Variants in ZC3H12B observed in about 807,000 individuals in gnomAD.
ZC3H12B encodes probable ribonuclease ZC3H12B.
In ZC3H12B, 7 loss-of-function variants were observed where a neutral mutation model predicts 43.9. That is an observed-to-expected ratio of 0.16 (90% CI 0.09 to 0.30). ZC3H12B has a LOEUF of 0.30. Among genes scored for constraint, ZC3H12B ranks in the 10% least tolerant of loss-of-function variants. ZC3H12B has a pLI of 1.00. For missense variants in ZC3H12B, 475 were observed against 670.2 expected (o/e 0.71, Z 3.22); for synonymous variants, 222 against 241.7 (o/e 0.92, Z 0.76).
the ZC3H12B span, among the ~76,000 whole-genome samples, chrX:65,122,033 C>A: frequency 1.8e-5 from 2 of 110,976 alleles, no homozygotes; most frequent in East Asian, 2.9e-4. Context: ...AATTTCTGTT[C>A]TTTTGCATTT....
At chrX:65,335,875 G>T in the ZC3H12B span, among the ~76,000 whole-genome samples, 2 of 112,027 alleles carry the variant, frequency 1.8e-5, no homozygotes, top group African/African-American at 6.5e-5. Context: ...TCATTTCAAG[G>T]TCAAGCTCCC....
At chrX:65,181,751 A>G in the ZC3H12B span, among the ~76,000 whole-genome samples, 1 of 112,089 alleles carries the variant, frequency 8.9e-6, no homozygotes, top group Non-Finnish European at 1.9e-5. Flanking sequence ...GTTAGGAAAC[A>G]ACAGATGCTG....
the ZC3H12B span, among the ~76,000 whole-genome samples, chrX:65,226,930 A>C: frequency 2.7e-5 from 3 of 111,047 alleles, no homozygotes; most frequent in African/African-American, 9.8e-5. Flanking sequence ...CACAATAATA[A>C]TGGGAGACTT....
At chrX:65,149,794 TAATAATAATAATAA>T in the ZC3H12B span, among the ~76,000 whole-genome samples, 1 of 103,377 alleles carries the variant, frequency 9.7e-6, no homozygotes, top group African/African-American at 3.5e-5. Flanking sequence ...ATAATAATAA[TAATAATAATAATAA>T]TAATAATAAA....
At chrX:65,204,394 G>A in the ZC3H12B span, among the ~76,000 whole-genome samples, 1 of 111,567 alleles carries the variant, frequency 9.0e-6, no homozygotes, top group Non-Finnish European at 1.9e-5. Flanking sequence ...GATTTAACTA[G>A]AATTATGTGC....
At chrX:65,357,104 G>A in the ZC3H12B span, 1 of 517,637 alleles carries the variant, frequency 1.9e-6, no homozygotes, top group Non-Finnish European at 3.6e-6. Context: ...AAGCTCCAAA[G>A]GCTTCCTGAG....
chrX:65,202,176 T>A, the ZC3H12B span, among the ~76,000 whole-genome samples: 1 of 98,808 alleles, frequency 1.0e-5, no homozygotes, highest in Non-Finnish European at 2.0e-5. Context: ...ATATATATTA[T>A]ATGTAATATA....
chrX:65,136,233 G>A, the ZC3H12B span, among the ~76,000 whole-genome samples: 2 of 111,586 alleles, frequency 1.8e-5, no homozygotes, highest in African/African-American at 6.5e-5. Context: ...TCTAGGTGGA[G>A]GTAATAGTCC....
the ZC3H12B span, chrX:65,185,982 TA>T: frequency 1.8e-5 from 2 of 111,461 alleles, no homozygotes; most frequent in South Asian, 7.5e-4. Flanking sequence ...CTAAACAAAT[TA>T]AAGTTTAACA....
chrX:65,084,409 GA>G, the ZC3H12B span, among the ~76,000 whole-genome samples: 1 of 111,356 alleles, frequency 9.0e-6, no homozygotes, highest in Admixed American at 9.5e-5. Flanking sequence ...CAACTCTACA[GA>G]AAAAAATATA....
intron 2 of ZC3H12B, among the ~76,000 whole-genome samples, chrX:65,381,150 A>AT (rs985918868): frequency 9.0e-6 from 1 of 111,074 alleles, no homozygotes; most frequent in African/African-American, 3.3e-5. Context: ...CAGAATATAC[A>AT]TTTTTTTCAG....
At chrX:65,225,472 C>T in the ZC3H12B span, among the ~76,000 whole-genome samples, 2 of 112,451 alleles carry the variant, frequency 1.8e-5, no homozygotes, top group Non-Finnish European at 3.8e-5. Context: ...GAGCGTCTCT[C>T]CTCCTCCAAA....
rs779448473 is a variant in ZC3H12B at position 65,392,836 on chromosome X, C to T, written n.296-5757C>T. 2.5e-3 allele frequency among the ~76,000 whole-genome samples: 279 copies of T among 112,828 alleles called. 2 individuals are homozygous for T. The highest frequency in any genetic ancestry group is 7.9e-3 in the African/African-American group (245 of 31,145). ...AAATGTGGGGAAAAGAAAGAGAGAT[C>T]GGATTGTTACTGTGTCTGTGTAGAA... On this transcript the variant is annotated intron_variant and non_coding_transcript_variant, in intron 2 of 5. Transcript: ENST00000617377.
chrX:65,226,989 C>A, the ZC3H12B span, among the ~76,000 whole-genome samples: 5 of 110,996 alleles, frequency 4.5e-5, no homozygotes, highest in Admixed American at 9.6e-5. Context: ...AGAAAGTTAG[C>A]AAGGATACCC....
upstream of ZC3H12B, among the ~76,000 whole-genome samples, chrX:65,486,226 C>CTAT (rs2068122445): frequency 8.9e-6 from 1 of 112,178 alleles, no homozygotes; most frequent in South Asian, 3.7e-4. Context: ...TCTTGCATAA[C>CTAT]TATTAGTAAA....
chrX:65,311,040 A>T, the ZC3H12B span, among the ~76,000 whole-genome samples: 1 of 112,113 alleles, frequency 8.9e-6, no homozygotes, highest in Non-Finnish European at 1.9e-5. Flanking sequence ...AACCGTAAAA[A>T]CTCTAGAAGA....
chrX:65,247,525 G>C, the ZC3H12B span, among the ~76,000 whole-genome samples: 1 of 112,486 alleles, frequency 8.9e-6, no homozygotes, highest in South Asian at 3.6e-4. Context: ...AAGAATACGT[G>C]GTTCATATTC....
At chrX:65,212,984 G>T in the ZC3H12B span, among the ~76,000 whole-genome samples, 4 of 107,044 alleles carry the variant, frequency 3.7e-5, no homozygotes, top group East Asian at 1.2e-3. Flanking sequence ...GCCATTATTT[G>T]TTTTTGTTTT....
the ZC3H12B span, among the ~76,000 whole-genome samples, chrX:65,305,941 C>G: frequency 9.0e-6 from 1 of 111,694 alleles, no homozygotes; most frequent in African/African-American, 3.3e-5. Context: ...TCTGATTTAC[C>G]CAAGTGCTGT....
Sources: allele counts gnomAD v4.1 joint callset (sites outside exome capture counted in the v4.1 genomes callset), GRCh38; gene constraint gnomAD v4.1.1; transcripts MANE v1.5; gene names NCBI Gene and HGNC (gene_info 2026-07-23, HGNC 2026-07-21).